DOCK2: variants seen among roughly 807,000 people sequenced by gnomAD.
DOCK2 encodes the protein dedicator of cytokinesis 2, also known as dedicator of cytokinesis protein 2.
Under a neutral mutation model 248.9 loss-of-function variants are expected in DOCK2, and 87 were observed. The observed-to-expected ratio is 0.35, with a 90% confidence interval of 0.29 to 0.42. The LOEUF is 0.42. DOCK2 is among the 10% of genes least tolerant of loss of function. The probability of loss-of-function intolerance (pLI) is 1.00; values close to 1 mark genes in which losing one functional copy is unlikely to be tolerated. For missense variants in DOCK2, 1,747 were observed against 2,300.2 expected (o/e 0.76, Z 4.92); for synonymous variants, 805 against 821.6 (o/e 0.98, Z 0.35).
At chr5:169,713,928 A>G (rs1482828886) in intron 17 of DOCK2, 100 bp from the exon 18 acceptor site, 1 of 1,346,666 alleles carries the variant, frequency 7.4e-7, no homozygotes, top group Non-Finnish European at 9.9e-7. Context: ...ACTCTTTATG[A>G]CTCTCCCCAC....
At position 170,008,218 on chromosome 5, in the gene DOCK2, AC is replaced by A. The variant is rs1324439956; in HGVS notation, c.3073-278del. The stretch of plus-strand genomic sequence containing the variant: ...AAAAACAACAACAACAACAACAACA[AC>A]AACAACAAAAAAAAAAAAACCTAAA... On this transcript the variant is annotated intron_variant, in intron 30 of 51. Coordinates refer to ENST00000520908, the MANE Select transcript of DOCK2 (RefSeq NM_004946.3). 3.8e-4 allele frequency among the ~76,000 whole-genome samples: 34 copies of A among 89,064 alleles called. 1 individual carries two copies. The highest frequency in any genetic ancestry group is 1.4e-3 in the Admixed American group (12 of 8,692). 58.4% of individuals were successfully genotyped at this position (89,064 alleles called of 152,430 possible). A position where few individuals can be genotyped will look rare whatever the true frequency, so the allele number is the denominator to read the frequency against.
At chr5:169,749,028 T>C (rs1219493469) in intron 23 of DOCK2, among the ~76,000 whole-genome samples, 2 of 152,270 alleles carry the variant, frequency 1.3e-5, no homozygotes, top group Non-Finnish European at 2.9e-5. Flanking sequence ...TCTCAAAGTC[T>C]ATAGAAGAGT....
chr5:169,892,310 A>G (rs1343569215), intron 27 of DOCK2, among the ~76,000 whole-genome samples: 2 of 152,246 alleles, frequency 1.3e-5, no homozygotes, highest in Non-Finnish European at 2.9e-5. Flanking sequence ...AAATGCTTCA[A>G]GAAGAACAAA....
intron 27 of DOCK2, among the ~76,000 whole-genome samples, chr5:169,906,982 T>C (rs1774317206): frequency 6.6e-6 from 1 of 152,188 alleles, no homozygotes. Context: ...TCAGGCACTG[T>C]CCTAGGGACT....
At chr5:169,887,792 T>C (rs992945615) in intron 27 of DOCK2, among the ~76,000 whole-genome samples, 10 of 152,238 alleles carry the variant, frequency 6.6e-5, no homozygotes, top group Non-Finnish European at 1.0e-4. Flanking sequence ...ATTTCGTTGA[T>C]ACTACCATGT....
intron 1 of DOCK2, among the ~76,000 whole-genome samples, chr5:169,649,226 T>G (rs1392992143): frequency 6.6e-6 from 1 of 152,238 alleles, no homozygotes; most frequent in African/African-American, 2.4e-5. Context: ...CAAACTCTAT[T>G]AACACTTGGT....
chr5:169,767,452 T>G (rs1002695026), intron 25 of DOCK2, among the ~76,000 whole-genome samples: 2 of 152,242 alleles, frequency 1.3e-5, no homozygotes, highest in African/African-American at 4.8e-5. Context: ...TTAACATCTC[T>G]GAGCCTCGGG....
At chr5:170,080,047 C>T in intron 49 of DOCK2, 116 bp from the exon 50 acceptor site, 1 of 1,532,232 alleles carries the variant, frequency 6.5e-7, no homozygotes, top group Non-Finnish European at 8.8e-7. Flanking sequence ...AACTTGGAGC[C>T]AGCTTCATAG....
chr5:169,662,355 G>T lies in DOCK2; in HGVS notation c.128-6933G>T, dbSNP rs1758493429. On this transcript the variant is annotated intron_variant, in intron 2 of 51. Transcript: ENST00000520908. ...TATATGAGTTCTTTATAAAATTTTTGATATTAACCCCTTATCAGATGTATA... is the reference window on the plus strand; with the variant it reads ...TATATGAGTTCTTTATAAAATTTTTTATATTAACCCCTTATCAGATGTATA... Among the ~76,000 whole-genome samples the T allele has an allele frequency of 2.0e-5, 3 of 151,984 alleles. No individual in the cohort carries two copies. The South Asian group carries it at 6.2e-4, about 32-fold the overall frequency.
chr5:170,032,477 A>G (rs1756174856), intron 34 of DOCK2, among the ~76,000 whole-genome samples: 1 of 152,178 alleles, frequency 6.6e-6, no homozygotes, highest in Non-Finnish European at 1.5e-5. Context: ...TGATTCTATC[A>G]TGTGACCAGG....
At chr5:169,889,963 C>T (rs1164874465) in intron 27 of DOCK2, among the ~76,000 whole-genome samples, 1 of 152,058 alleles carries the variant, frequency 6.6e-6, no homozygotes, top group Non-Finnish European at 1.5e-5. Context: ...GTAATAATAA[C>T]CTTTACTGTT....
intron 27 of DOCK2, among the ~76,000 whole-genome samples, chr5:169,909,318 AT>A (rs1329066525): frequency 6.6e-6 from 1 of 152,240 alleles, no homozygotes; most frequent in Non-Finnish European, 1.5e-5. Flanking sequence ...GTTCAACAGT[AT>A]AGAACATTTC....
intron 30 of DOCK2, among the ~76,000 whole-genome samples, chr5:169,997,764 T>C (rs1754698312): frequency 6.6e-6 from 1 of 151,956 alleles, no homozygotes; most frequent in African/African-American, 2.4e-5. Context: ...CATAACAAAA[T>C]GGAGTCTCCT....
chr5:169,983,862 A>G (rs904008319), intron 28 of DOCK2, among the ~76,000 whole-genome samples: 15 of 152,232 alleles, frequency 9.9e-5, no homozygotes, highest in Non-Finnish European at 1.9e-4. Context: ...AAAAGGAATC[A>G]TTAGAAAACT....
At chr5:170,038,169 G>T (rs1179318684) in intron 36 of DOCK2, among the ~76,000 whole-genome samples, 1 of 152,154 alleles carries the variant, frequency 6.6e-6, no homozygotes, top group Non-Finnish European at 1.5e-5. Flanking sequence ...CTGGGTTGAG[G>T]TTTTCCTACC....
intron 36 of DOCK2, among the ~76,000 whole-genome samples, chr5:170,037,148 A>G (rs1457121215): frequency 6.6e-6 from 1 of 151,974 alleles, no homozygotes; most frequent in African/African-American, 2.4e-5. Context: ...ATTACAAAAC[A>G]AAAATAAACT....
At chr5:169,801,303 A>C (rs1247932965) in intron 25 of DOCK2, among the ~76,000 whole-genome samples, 2 of 151,906 alleles carry the variant, frequency 1.3e-5, no homozygotes, top group African/African-American at 2.4e-5. Context: ...TGCCCAGCCA[A>C]GACTGCACAT....
chr5:169,689,449 T>A, intron 9 of DOCK2, 116 bp downstream of exon 9: 1 of 1,068,012 alleles, frequency 9.4e-7, no homozygotes, highest in Non-Finnish European at 1.4e-6. Context: ...AGCTGTGTTG[T>A]GGGCTCCAAG....
intron 2 of DOCK2, among the ~76,000 whole-genome samples, chr5:169,667,588 G>A (rs536189434): frequency 9.2e-5 from 14 of 152,322 alleles, no homozygotes; most frequent in Admixed American, 5.9e-4. Context: ...GTAGCACAGC[G>A]CAGCAGGGTG....
Sources: gnomAD v4.1 joint callset for allele counts (sites outside exome capture counted in the v4.1 genomes callset) on GRCh38, gnomAD v4.1.1 for gene constraint, MANE v1.5 for transcripts, NCBI Gene and HGNC (gene_info 2026-07-23, HGNC 2026-07-21) for gene names.